The following ME2 variants were observed in gnomAD, a reference collection of about 807,000 sequenced individuals.
The protein encoded by ME2 is malic enzyme 2, also known as NAD-dependent malic enzyme, mitochondrial.
ME2 carries 60 observed loss-of-function variants against 73.7 expected under a neutral mutation model. The ratio of observed to expected loss-of-function variants is 0.81; its 90% CI spans 0.66 to 1.01. ME2 has a LOEUF of 1.01. Ranked by LOEUF, ME2 falls within the 50% of genes least tolerant of loss-of-function variation. The probability of loss-of-function intolerance (pLI) is 0.00; values close to 1 mark genes in which losing one functional copy is unlikely to be tolerated. For missense variants in ME2, 594 were observed against 705.5 expected (o/e 0.84, Z 1.79); for synonymous variants, 199 against 236.9 (o/e 0.84, Z 1.47).
At chr18:50,918,262 T>C (rs2144233633) in intron 7 of ME2, 49 bp downstream of exon 7, 1 of 1,287,074 alleles carries the variant, frequency 7.8e-7, no homozygotes, top group Non-Finnish European at 1.1e-6. Flanking sequence ...ATGGGGTGGG[T>C]GGGGTAAGAA....
At chr18:50,888,580 T>C (rs1455722363) in intron 1 of ME2, among the ~76,000 whole-genome samples, 1 of 152,112 alleles carries the variant, frequency 6.6e-6, no homozygotes, top group African/African-American at 2.4e-5. Context: ...TTTTTTTCAT[T>C]TAAATTAAGA....
chr18:50,884,438 C>G (rs556427157), intron 1 of ME2, among the ~76,000 whole-genome samples: 9 of 152,148 alleles, frequency 5.9e-5, no homozygotes, highest in Admixed American at 1.3e-4. Context: ...ACCTCTGCCT[C>G]CTGAGTTCAA....
intron 10 of ME2, 96 bp downstream of exon 10, chr18:50,921,283 G>GT (rs1470412913): frequency 1.7e-6 from 1 of 603,822 alleles, no homozygotes; most frequent in Non-Finnish European, 2.7e-6. Flanking sequence ...TCTCATTGGA[G>GT]TCTCCAAATT....
intron 2 of ME2, among the ~76,000 whole-genome samples, chr18:50,900,470 A>G (rs929050560): frequency 6.6e-6 from 1 of 150,798 alleles, no homozygotes; most frequent in Non-Finnish European, 1.5e-5. Flanking sequence ...AATTTTTTGT[A>G]TTTTTAGTAG....
chr18:50,948,541 C>CTTTTTTTTTTTTTTTTTTTTTTTTTTTT lies in ME2; in HGVS notation c.*1378_*1379insTTTTTTTTTTTTTTTTTTTTTTTTTTTT, dbSNP rs11295987. On this transcript the variant is annotated 3_prime_UTR_variant, in exon 16 of 16. Coordinates refer to ENST00000321341, the MANE Select transcript of ME2 (RefSeq NM_002396.5). ...TTCTGCCTATGAATACAAATTGATT[C>CTTTTTTTTTTTTTTTTTTTTTTTTTTTT]TTTTTTTTTTTTTTTTTTTTTGAGA... 8.9e-6 allele frequency: 1 copy of CTTTTTTTTTTTTTTTTTTTTTTTTTTTT among 112,856 alleles called. No individual in the cohort carries two copies. The highest frequency in any genetic ancestry group is 1.8e-5 in the Non-Finnish European group (1 of 55,272). 7.0% of individuals were successfully genotyped at this position (112,856 alleles called of 1,614,324 possible). A position where few individuals can be genotyped will look rare whatever the true frequency, so the allele number is the denominator to read the frequency against.
At chr18:50,893,116 C>A in intron 1 of ME2, among the ~76,000 whole-genome samples, 1 of 90,818 alleles carries the variant, frequency 1.1e-5, no homozygotes. Flanking sequence ...CTGGGTAAGA[C>A]TCTATCTCAA....
intron 1 of ME2, among the ~76,000 whole-genome samples, chr18:50,883,658 T>A (rs531094629): frequency 6.6e-6 from 1 of 152,034 alleles, no homozygotes; most frequent in South Asian, 2.1e-4. Context: ...AGATCAGGAG[T>A]TTGAGACCAG....
At chr18:50,938,794 C>A (rs1917873558) in intron 13 of ME2, among the ~76,000 whole-genome samples, 1 of 151,858 alleles carries the variant, frequency 6.6e-6, no homozygotes. Flanking sequence ...TATTCTAGAG[C>A]AGGAAATTCG....
intron 3 of ME2, among the ~76,000 whole-genome samples, chr18:50,910,954 C>T (rs1055109643): frequency 6.6e-6 from 1 of 152,186 alleles, no homozygotes. Context: ...TGAAGGATGA[C>T]GAAGTGAGGG....
Position 50,941,353 on chromosome 18 carries a change from C to CTTTTTTTTTTTTTTTTTTTTTTTTTT in ME2, c.1587+973_1587+998dup, listed in dbSNP as rs57428974. Among the ~76,000 whole-genome samples, 7 of 63,846 alleles carry CTTTTTTTTTTTTTTTTTTTTTTTTTT rather than the reference C, an allele frequency of 1.1e-4. 2 individuals are homozygous for CTTTTTTTTTTTTTTTTTTTTTTTTTT. The highest frequency in any genetic ancestry group is 4.8e-4 in the African/African-American group (6 of 12,428). The allele number at this position is 63,846 out of a possible 152,430, so 41.9% of individuals were successfully genotyped here. Reference sequence around the variant, plus strand: ...TCTTTGTGTGTATTTGTGATGGTTTCTTTTTTTTTTTTTTTTTTTTTTTTT... The same window carrying CTTTTTTTTTTTTTTTTTTTTTTTTTT: ...TCTTTGTGTGTATTTGTGATGGTTTCTTTTTTTTTTTTTTTTTTTTTTTTTTTTTTTTTTTTTTTTTTTTTTTTTTT... On this transcript the variant is annotated intron_variant, in intron 15 of 15. Transcript: ENST00000321341.
At chr18:50,900,451 T>C (rs1916860505) in intron 2 of ME2, among the ~76,000 whole-genome samples, 2 of 151,672 alleles carry the variant, frequency 1.3e-5, no homozygotes, top group Non-Finnish European at 2.9e-5. Flanking sequence ...CCTGCCACCA[T>C]GCTCAGCTAA....
At position 50,948,292 on chromosome 18, in the gene ME2, A is replaced by G. The variant is rs1160054897; in HGVS notation, c.*1108A>G. The stretch of plus-strand genomic sequence containing the variant: ...TCTGGGAAATGCCTTTTTTAATCCC[A>G]GTAAAATGGGTAATAATGGCTATCC... On this transcript the variant is annotated 3_prime_UTR_variant, in exon 16 of 16. Transcript: ENST00000321341. 1 of 152,186 alleles carries G rather than the reference A, an allele frequency of 6.6e-6. No homozygotes were observed. Among genetic ancestry groups the G allele is most frequent in the Non-Finnish European group, 1.5e-5 (1 of 68,026 alleles). 9.4% of individuals were successfully genotyped at this position (152,186 alleles called of 1,614,324 possible).
chr18:50,928,256 T>A lies in ME2; in HGVS notation c.1314+2358T>A, dbSNP rs139879442. ...CTAATTTGTCCTTTTTTTTTTCTTT[T>A]TTTTTTTGAGATGAAGCGTCACTGT... is the stretch of plus-strand genomic sequence containing the variant. On this transcript the variant is annotated intron_variant, in intron 12 of 15. Coordinates refer to ENST00000321341, the MANE Select transcript of ME2 (RefSeq NM_002396.5). Among the ~76,000 whole-genome samples, 657 of 151,774 alleles carry A rather than the reference T, an allele frequency of 4.3e-3. 13 individuals are homozygous for A. Among genetic ancestry groups the A allele is most frequent in the East Asian group, 0.033 (171 of 5,150 alleles).
At chr18:50,933,932 G>A (rs1306649808) in intron 13 of ME2, 1 of 152,090 alleles carries the variant, frequency 6.6e-6, no homozygotes, top group Non-Finnish European at 1.5e-5. Context: ...TTCTGTTCCT[G>A]TGTTAGTTCA....
chr18:50,914,263 A>G (rs1425924232), intron 4 of ME2, among the ~76,000 whole-genome samples: 1 of 152,206 alleles, frequency 6.6e-6, no homozygotes, highest in Non-Finnish European at 1.5e-5. Flanking sequence ...ACTGTAACTA[A>G]AACATTTCTG....
At chr18:50,901,196 G>A (rs767506684) in intron 2 of ME2, among the ~76,000 whole-genome samples, 9 of 152,146 alleles carry the variant, frequency 5.9e-5, no homozygotes, top group Non-Finnish European at 8.8e-5. Context: ...GCTACATAGC[G>A]CCTATCCGTA....
At chr18:50,925,659 GT>G in intron 11 of ME2, 96 bp from the exon 12 acceptor site, 5 of 990,938 alleles carry the variant, frequency 5.0e-6, no homozygotes, top group East Asian at 4.8e-5. Flanking sequence ...TATTACCTGT[GT>G]TTTTATTATT....
chr18:50,941,353 C>CTTGTTTTTTTT (rs1917952181), intron 15 of ME2, among the ~76,000 whole-genome samples: 1 of 63,820 alleles, frequency 1.6e-5, no homozygotes, highest in African/African-American at 8.1e-5. Flanking sequence ...GTGATGGTTT[C>CTTGTTTTTTTT]TTTTTTTTTT....
At chr18:50,909,642 CT>C (rs1917099720) in intron 3 of ME2, among the ~76,000 whole-genome samples, 1 of 151,882 alleles carries the variant, frequency 6.6e-6, no homozygotes, top group Admixed American at 6.6e-5. Flanking sequence ...AAAAGAGATA[CT>C]GTGATAGATT....
Sources: allele counts gnomAD v4.1 joint callset (sites outside exome capture counted in the v4.1 genomes callset), GRCh38; gene constraint gnomAD v4.1.1; transcripts MANE v1.5; gene names NCBI Gene and HGNC (gene_info 2026-07-23, HGNC 2026-07-21).